The following RTN2 variants were observed in gnomAD, a reference collection of about 807,000 sequenced individuals.
RTN2 encodes the protein reticulon 2, also known as reticulon-2.
Under a neutral mutation model 63.7 loss-of-function variants are expected in RTN2, and 36 were observed. That is an observed-to-expected ratio of 0.56 (90% CI 0.43 to 0.75). The LOEUF (loss-of-function observed/expected upper bound fraction) is 0.75, where lower values mean the gene tolerates loss of function less well. Among genes scored for constraint, RTN2 ranks in the 30% least tolerant of loss-of-function variants. The probability of loss-of-function intolerance (pLI) is 0.00; values close to 1 mark genes in which losing one functional copy is unlikely to be tolerated. For synonymous variants in RTN2, 312 were observed against 313.0 expected, an observed-to-expected ratio of 1.00 and a Z score of 0.03; for missense variants, 673 against 705.1, an observed-to-expected ratio of 0.95 and a Z score of 0.52.
intron 1 of RTN2, among the ~76,000 whole-genome samples, chr19:45,496,122 G>A (rs1310039133): frequency 6.6e-6 from 1 of 152,146 alleles, no homozygotes; most frequent in Admixed American, 6.5e-5. Context: ...GCCCCTTAGA[G>A]CTAGTTCAGA....
chr19:45,493,797 G>GTCGCC (rs1968211829), intron 4 of RTN2: 4 of 288,582 alleles, frequency 1.4e-5, no homozygotes, highest in African/African-American at 4.5e-5. Flanking sequence ...AGGCTGGAGT[G>GTCGCC]CAGTGGCGCG....
Position 45,488,835 on chromosome 19 carries a change from A to T in RTN2, c.1380+13T>A. The T allele has an allele frequency of 6.2e-7, 1 of 1,600,108 alleles. No individual in the cohort carries two copies. The highest frequency in any genetic ancestry group is 8.5e-7 in the Non-Finnish European group (1 of 1,174,358). On this transcript the variant is annotated intron_variant, in intron 7 of 10. Coordinates refer to ENST00000245923, the MANE Select transcript of RTN2 (RefSeq NM_005619.5). ...ATGGGGGAACCCAGGAGGGGCTGAG[A>T]GCTCCAGGCCACCTTGAGGGAATCC...
chr19:45,486,231 C>T (rs183139471), intron 9 of RTN2, 118 bp from the exon 10 acceptor site: 2 of 791,412 alleles, frequency 2.5e-6, no homozygotes, highest in Non-Finnish European at 4.3e-6. Context: ...TGGCCCACCA[C>T]GCCACCCCCG....
intron 7 of RTN2, 65 bp downstream of exon 7, chr19:45,488,783 T>C: frequency 6.3e-7 from 1 of 1,592,986 alleles, no homozygotes; most frequent in Non-Finnish European, 8.5e-7. Flanking sequence ...ACAGTCGCCC[T>C]CCCACCCCCT....
rs143394159 is a variant in RTN2 at position 45,494,697 on chromosome 19, C to T, written c.388G>A (p.Ala130Thr). The change falls in exon 3 of 11, where the codon GCG (alanine) becomes ACG (threonine). Residue 130 changes from alanine to threonine, a missense_variant. By Grantham distance (58) the Ala-to-Thr change is moderately conservative. Coordinates refer to ENST00000245923, the MANE Select transcript of RTN2 (RefSeq NM_005619.5). This position sits in a 1 kb window ranked among gnomAD's most constrained non-coding sequence, Gnocchi z 5.3. ...EPGRRGDPDT[A>T]PPSERPLEDL... ...TCCAGAGGGCGCTCGGATGGAGGCG[C>T]GGTGTCAGGATCACCCCGTCGTCCA... 1.3e-4 allele frequency: 204 copies of T among 1,613,558 alleles called. 3 individuals carry two copies. In the South Asian group the frequency reaches 2.2e-3, roughly 17 times the overall value.
intron 5 of RTN2, 68 bp from the exon 6 acceptor site, chr19:45,489,621 G>A: frequency 2.7e-6 from 3 of 1,126,510 alleles, no homozygotes; most frequent in East Asian, 2.6e-5. Context: ...CCCTTTCCCT[G>A]TCCTACAGCT....
intron 5 of RTN2, among the ~76,000 whole-genome samples, chr19:45,490,349 C>G (rs979875060): frequency 6.6e-6 from 1 of 152,102 alleles, no homozygotes; most frequent in African/African-American, 2.4e-5. Flanking sequence ...TGTGGCTGTG[C>G]TCCTGTGCTC....
In RTN2 at chr19:45,495,130, G is replaced by A. The variant is rs767185788; in HGVS notation, c.44C>T (p.Pro15Leu). 3.1e-6 allele frequency: 5 copies of A among 1,614,096 alleles called. No individual in the cohort carries two copies. Among genetic ancestry groups the A allele is most frequent in the Non-Finnish European group, 4.2e-6 (5 of 1,180,026 alleles). ...ATCAGGAGTTGAGGAGGCTGTAGAC[G>A]GAGCTTCTTCTGCGAGAGGGAAAGA... ...LPVFAHCKEA[P>L]STASSTPDST... Residue 15 changes from proline (P) to leucine (L), a missense_variant, in exon 2 of 11, where the codon CCG (proline) becomes CTG (leucine). Coordinates refer to ENST00000245923, the MANE Select transcript of RTN2 (RefSeq NM_005619.5).
In RTN2 at chr19:45,485,513, G is replaced by A; in HGVS notation, c.*195C>T. On this transcript the variant is annotated 3_prime_UTR_variant, in exon 11 of 11. Transcript: ENST00000245923. ...GTGCCTCGTCTTTCCTGGACTCCTG[G>A]AGCAGAGCCTCTTGGGAAATGTAGT... 3.4e-6 allele frequency: 2 copies of A among 590,738 alleles called. No individual in the cohort carries two copies. The highest frequency in any genetic ancestry group is 5.6e-5 in the East Asian group (2 of 35,766). 36.6% of individuals were successfully genotyped at this position (590,738 alleles called of 1,614,324 possible). A position where few individuals can be genotyped will look rare whatever the true frequency, so the allele number is the denominator to read the frequency against.
At chr19:45,496,091 G>A (rs1041453467) in intron 1 of RTN2, among the ~76,000 whole-genome samples, 6 of 152,314 alleles carry the variant, frequency 3.9e-5, no homozygotes, top group Admixed American at 1.3e-4. Context: ...GTGAGGCTAG[G>A]CGTTTTCAGC....
chr19:45,496,905 CCGCCGCGCCCACGA>C lies in RTN2; in HGVS notation c.-94_-81del. 1.2e-6 allele frequency: 1 copy of C among 839,718 alleles called. No individual in the cohort carries two copies. Among genetic ancestry groups the C allele is most frequent in the Non-Finnish European group, 1.7e-6 (1 of 600,566 alleles). The allele number at this position is 839,718 out of a possible 1,614,324, so 52.0% of individuals were successfully genotyped here. A position where few individuals can be genotyped will look rare whatever the true frequency, so the allele number is the denominator to read the frequency against. ...GGCCCGGGGTCGCGGGCGCTCATCT[CCGCCGCGCCCACGA>C]CGCCGCTGCCATTCTCGCCGCCTCC... On this transcript the variant is annotated 5_prime_UTR_variant, in exon 1 of 11. An upstream open reading frame in the 5' UTR loses its in-frame stop. Transcript: ENST00000245923.
intron 1 of RTN2, 155 bp from the exon 2 acceptor site, chr19:45,495,294 T>C (rs1294322725): frequency 1.1e-5 from 9 of 815,708 alleles, no homozygotes; most frequent in Non-Finnish European, 2.0e-6. Context: ...CTGATGAAGC[T>C]CAGAGTCTTT....
intron 9 of RTN2, among the ~76,000 whole-genome samples, chr19:45,487,051 T>TTTTTTTTTTTA (rs1266581723): frequency 6.7e-5 from 9 of 134,250 alleles, no homozygotes; most frequent in Admixed American, 1.5e-4. Flanking sequence ...TTTTTTTTTT[T>TTTTTTTTTTTA]TTTTTTTTTT....
At chr19:45,489,012 G>A (rs1441946626) in intron 6 of RTN2, 26 bp from the exon 7 acceptor site, 5 of 1,606,186 alleles carry the variant, frequency 3.1e-6, no homozygotes, top group East Asian at 2.2e-5. Flanking sequence ...AGTGTGGGGC[G>A]ACTCAGTGGG....
Position 45,496,897 on chromosome 19 carries a change from G to T in RTN2, c.-72C>A, listed in dbSNP as rs1968284756. On this transcript the variant is annotated 5_prime_UTR_variant, in exon 1 of 11. Transcript: ENST00000245923. ...CCGCCCTGGGCCCGGGGTCGCGGGC[G>T]CTCATCTCCGCCGCGCCCACGACGC... 3 of 942,040 alleles carry T rather than the reference G, an allele frequency of 3.2e-6. No individual in the cohort carries two copies. The highest frequency in any genetic ancestry group is 1.7e-5 in the African/African-American group (1 of 58,312). The allele number at this position is 942,040 out of a possible 1,614,324, so 58.4% of individuals were successfully genotyped here. A position where few individuals can be genotyped will look rare whatever the true frequency, so the allele number is the denominator to read the frequency against.
In RTN2 at chr19:45,494,195, A is replaced by G. The variant is rs1968220969; in HGVS notation, c.785T>C (p.Leu262Ser). 2 of 1,605,492 alleles carry G rather than the reference A, an allele frequency of 1.2e-6. No individual in the cohort carries two copies. The highest frequency in any genetic ancestry group is 1.7e-6 in the Non-Finnish European group (2 of 1,179,902). ...AAGGCGTGGCTCCACCGTGAATTCT[A>G]ATTGGTCCGTGCTATCGAGGCACTG... ...RGQCLDSTDQ[L>S]EFTVEPRLLG... is the part of the protein sequence containing the mutation. The change falls in exon 4 of 11, where the codon TTA (leucine) becomes TCA (serine). Residue 262 changes from leucine (L) to serine (S), a missense_variant. Physicochemically the swap from Leu to Ser is moderately radical, Grantham distance 145 (BLOSUM62 -2). Coordinates refer to ENST00000245923, the MANE Select transcript of RTN2 (RefSeq NM_005619.5). The surrounding 1 kb of genome is among the most constrained non-coding windows in gnomAD (Gnocchi z 5.3).
chr19:45,490,953 C>A (rs1365608651), intron 5 of RTN2, among the ~76,000 whole-genome samples: 1 of 150,794 alleles, frequency 6.6e-6, no homozygotes, highest in East Asian at 1.9e-4. Flanking sequence ...ATTGTGCAAT[C>A]TCGGCTCACT....
At chr19:45,492,474 G>A (rs1968180261) in intron 5 of RTN2, among the ~76,000 whole-genome samples, 1 of 152,168 alleles carries the variant, frequency 6.6e-6, no homozygotes. Flanking sequence ...GGTGTTGGAG[G>A]CTGCAGTGAG....
At chr19:45,486,494 T>C (rs920247880) in intron 9 of RTN2, among the ~76,000 whole-genome samples, 15 of 152,084 alleles carry the variant, frequency 9.9e-5, no homozygotes, top group African/African-American at 3.6e-4. Context: ...CTCGTGTTTT[T>C]TAAAAAATTA....
Sources: allele counts gnomAD v4.1 joint callset (sites outside exome capture counted in the v4.1 genomes callset), GRCh38; gene constraint gnomAD v4.1.1; non-coding constraint Gnocchi (gnomAD v3.1); transcripts MANE v1.5; gene names NCBI Gene and HGNC (gene_info 2026-07-23, HGNC 2026-07-21).